Variants in PSD3 observed in about 807,000 individuals in gnomAD.
PSD3 encodes the protein PH and SEC7 domain-containing protein 3.
In PSD3, 49 loss-of-function variants were observed where a neutral mutation model predicts 105.5. That is an observed-to-expected ratio of 0.46 (90% CI 0.37 to 0.59). PSD3 has a LOEUF of 0.59. PSD3 is among the 20% of genes least tolerant of loss of function. The probability of loss-of-function intolerance (pLI) is 0.00; values close to 1 mark genes in which losing one functional copy is unlikely to be tolerated. For missense variants in PSD3, 1,561 were observed against 1,263.8 expected, an observed-to-expected ratio of 1.24 and a Z score of -3.57; for synonymous variants, 557 against 457.8, an observed-to-expected ratio of 1.22 and a Z score of -2.77.
intron 12 of PSD3, among the ~76,000 whole-genome samples, chr8:18,592,253 A>G (rs1461366996): frequency 6.6e-6 from 1 of 152,196 alleles, no homozygotes; most frequent in Non-Finnish European, 1.5e-5. Flanking sequence ...AAAAATTCAG[A>G]TGAGAGGCTC....
intron 4 of PSD3, among the ~76,000 whole-genome samples, chr8:18,827,294 G>A (rs1813273697): frequency 6.6e-6 from 1 of 152,192 alleles, no homozygotes; most frequent in Admixed American, 6.5e-5. Flanking sequence ...GCATTTACCA[G>A]GTGGAGAGAA....
intron 9 of PSD3, among the ~76,000 whole-genome samples, chr8:18,666,492 A>G (rs1372171055): frequency 6.6e-6 from 1 of 152,210 alleles, no homozygotes; most frequent in African/African-American, 2.4e-5. Flanking sequence ...TTTTTCCCCT[A>G]GTTACAACTG....
intron 15 of PSD3, among the ~76,000 whole-genome samples, chr8:18,541,752 C>CTT (rs111558567): frequency 3.5e-5 from 5 of 141,516 alleles, no homozygotes; most frequent in African/African-American, 5.2e-5. Context: ...TTCTGAGAAT[C>CTT]TTTTTTTTTT....
Position 18,743,315 on chromosome 8 carries a change from C to T in PSD3, c.2172+22134G>A, listed in dbSNP as rs1171002778. ...TTTTCATAGAGGAGCGGGGAGATAG[C>T]GAATGCAGGGAACTCTGTCAAAGGG... On this transcript the variant is annotated intron_variant, in intron 9 of 15. Coordinates refer to ENST00000327040, the MANE Select transcript of PSD3 (RefSeq NM_015310.4). Among the ~76,000 whole-genome samples, 8 of 152,194 alleles carry T rather than the reference C, an allele frequency of 5.3e-5. 1 individual carries two copies. The highest frequency in any genetic ancestry group is 2.4e-5 in the African/African-American group (1 of 41,520).
intron 7 of PSD3, among the ~76,000 whole-genome samples, chr8:18,800,064 C>G (rs1338126732): frequency 6.6e-6 from 1 of 152,126 alleles, no homozygotes; most frequent in East Asian, 1.9e-4. Context: ...TATTCTAGTA[C>G]CACTTTATTA....
chr8:18,778,637 T>C (rs1437819798), intron 8 of PSD3, among the ~76,000 whole-genome samples: 1 of 147,762 alleles, frequency 6.8e-6, no homozygotes, highest in Non-Finnish European at 1.5e-5. Context: ...GTCTAATTTA[T>C]TGAGTTTTTT....
At chr8:18,736,536 G>C (rs1804164684) in intron 9 of PSD3, among the ~76,000 whole-genome samples, 1 of 152,094 alleles carries the variant, frequency 6.6e-6, no homozygotes, top group Non-Finnish European at 1.5e-5. Flanking sequence ...CCTACATTCA[G>C]TAAGAGTTTG....
intron 9 of PSD3, among the ~76,000 whole-genome samples, chr8:18,695,307 G>A (rs553471251): frequency 6.6e-6 from 1 of 152,320 alleles, no homozygotes; most frequent in Non-Finnish European, 1.5e-5. Context: ...ATACCTGTCA[G>A]CCCCAAATCA....
intron 9 of PSD3, among the ~76,000 whole-genome samples, chr8:18,673,977 A>AC (rs1295615731): frequency 1.3e-5 from 2 of 152,122 alleles, no homozygotes; most frequent in East Asian, 3.9e-4. Context: ...CCCTATCTCT[A>AC]CAAAAAAATT....
chr8:18,854,100 T>A (rs1222485230), intron 4 of PSD3: 2 of 152,224 alleles, frequency 1.3e-5, no homozygotes, highest in East Asian at 1.9e-4. Context: ...CCAGTTACCT[T>A]CGTCAGCAAA....
chr8:18,949,593 C>G (rs989807461), intron 1 of PSD3, among the ~76,000 whole-genome samples: 2 of 152,006 alleles, frequency 1.3e-5, no homozygotes, highest in African/African-American at 4.8e-5. Context: ...CAAAGAAAAT[C>G]TGAAGTCAGG....
chr8:18,965,072 G>C (rs891935124), intron 1 of PSD3, among the ~76,000 whole-genome samples: 3 of 152,090 alleles, frequency 2.0e-5, no homozygotes, highest in African/African-American at 7.2e-5. Context: ...CTTAGAATAT[G>C]CTAACAATTA....
Position 18,876,077 on chromosome 8 carries a change from T to C in PSD3, c.131-3344A>G, listed in dbSNP as rs190173264. On this transcript the variant is annotated intron_variant, in intron 2 of 15. Coordinates refer to ENST00000327040, the MANE Select transcript of PSD3 (RefSeq NM_015310.4). ...TGTCATATCATCTATCAAAACTTCA[T>C]TCCTTTTATTTTATTATTTTTTACA... Among the ~76,000 whole-genome samples the C allele has an allele frequency of 3.7e-4, 56 of 152,190 alleles. No homozygotes were observed. In the East Asian group the frequency reaches 0.011, roughly 29 times the overall value.
chr8:18,685,475 A>G (rs1195987023), intron 9 of PSD3, among the ~76,000 whole-genome samples: 2 of 151,766 alleles, frequency 1.3e-5, no homozygotes, highest in Non-Finnish European at 2.9e-5. Context: ...CTATTGTGCT[A>G]TAAAGAAGAC....
chr8:18,740,150 C>T (rs11782604), intron 9 of PSD3, among the ~76,000 whole-genome samples: 22 of 152,184 alleles, frequency 1.4e-4, no homozygotes, highest in Non-Finnish European at 2.4e-4. Context: ...TCCCCTAGCA[C>T]GGCGTTGCTT....
At chr8:18,999,768 A>G (rs4369030) in intron 1 of PSD3, among the ~76,000 whole-genome samples, 105,533 of 150,920 alleles carry the variant, frequency 0.7, 37,689 homozygotes, top group East Asian at 0.91. Context: ...AAAAAATGGA[A>G]TTACCATTAT....
rs1799697803 is a variant in PSD3 at position 18,533,082 on chromosome 8, A to T, written c.*2661T>A. 1 of 152,250 alleles carries T rather than the reference A, an allele frequency of 6.6e-6. No individual in the cohort carries two copies. Among genetic ancestry groups the T allele is most frequent in the African/African-American group, 2.4e-5 (1 of 41,464 alleles). The allele number at this position is 152,250 out of a possible 1,614,324, so 9.4% of individuals were successfully genotyped here. ...AGCAGCTGTGAAAGGAAACATCCTC[A>T]ATTTCTTCTGGCTAGATGCCACAGG... On this transcript the variant is annotated 3_prime_UTR_variant, in exon 16 of 16. Transcript: ENST00000327040.
At chr8:18,731,255 T>C (rs1176244496) in intron 9 of PSD3, among the ~76,000 whole-genome samples, 3 of 152,144 alleles carry the variant, frequency 2.0e-5, no homozygotes, top group African/African-American at 7.2e-5. Context: ...AAACTCTGTC[T>C]CAAAAACAAA....
intron 2 of PSD3, among the ~76,000 whole-genome samples, chr8:18,914,750 T>A (rs118103545): frequency 6.6e-6 from 1 of 152,180 alleles, no homozygotes; most frequent in South Asian, 2.1e-4. Flanking sequence ...TGTTCAAGGA[T>A]TGAAAGAATT....
Sources: gnomAD v4.1 joint callset for allele counts (sites outside exome capture counted in the v4.1 genomes callset) on GRCh38, gnomAD v4.1.1 for gene constraint, MANE v1.5 for transcripts, NCBI Gene and HGNC (gene_info 2026-07-23, HGNC 2026-07-21) for gene names.